The following DLG2 variants were observed in gnomAD, a reference collection of about 807,000 sequenced individuals.
DLG2 encodes the protein disks large homolog 2.
Under a neutral mutation model 132.5 loss-of-function variants are expected in DLG2, and 45 were observed. The ratio of observed to expected loss-of-function variants is 0.34; its 90% CI spans 0.27 to 0.44. DLG2 has a LOEUF of 0.44. Ranked by LOEUF, DLG2 falls within the 20% of genes least tolerant of loss-of-function variation. The probability of loss-of-function intolerance (pLI) is 1.00; values close to 1 mark genes in which losing one functional copy is unlikely to be tolerated. For synonymous variants in DLG2, 424 were observed against 419.6 expected (o/e 1.01, Z -0.13); for missense variants, 1,045 against 1,196.9 (o/e 0.87, Z 1.87).
intron 12 of DLG2, among the ~76,000 whole-genome samples, chr11:83,971,515 T>C (rs575576752): frequency 6.6e-6 from 1 of 151,452 alleles, no homozygotes; most frequent in East Asian, 1.9e-4. Context: ...TGTGGGGGCA[T>C]GAGAATATAA....
At chr11:84,525,839 T>C (rs1185108214) in intron 7 of DLG2, among the ~76,000 whole-genome samples, 2 of 152,202 alleles carry the variant, frequency 1.3e-5, no homozygotes, top group Admixed American at 1.3e-4. Flanking sequence ...GTCAGTATCC[T>C]AGCCAACTAC....
intron 11 of DLG2, among the ~76,000 whole-genome samples, chr11:84,022,624 C>G (rs940410758): frequency 1.3e-5 from 2 of 152,130 alleles, no homozygotes; most frequent in African/African-American, 4.8e-5. Flanking sequence ...TTTGCATTAT[C>G]TGACTTTTGA....
chr11:84,250,245 G>A (rs558949094), intron 8 of DLG2, among the ~76,000 whole-genome samples: 2 of 152,078 alleles, frequency 1.3e-5, no homozygotes, highest in South Asian at 2.1e-4. Flanking sequence ...CTCTTTAAAT[G>A]GCCATGTGCT....
chr11:84,775,934 C>A (rs774326748), intron 6 of DLG2, among the ~76,000 whole-genome samples: 10 of 152,044 alleles, frequency 6.6e-5, no homozygotes, highest in Non-Finnish European at 1.2e-4. Context: ...AGGAGTGAGT[C>A]CATTTAAAAC....
At chr11:85,534,313 G>A (rs1431353954) in intron 3 of DLG2, among the ~76,000 whole-genome samples, 1 of 151,970 alleles carries the variant, frequency 6.6e-6, no homozygotes, top group Non-Finnish European at 1.5e-5. Flanking sequence ...CTAAAAAAAG[G>A]TCTTTTTTAT....
intron 6 of DLG2, among the ~76,000 whole-genome samples, chr11:84,694,973 C>T (rs115852659): frequency 0.016 from 2,374 of 151,540 alleles, 27 homozygotes; most frequent in Non-Finnish European, 0.024. Flanking sequence ...CTAAATTGTT[C>T]GCCTCATTGC....
chr11:83,530,074 A>C (rs2095700200), intron 21 of DLG2, among the ~76,000 whole-genome samples: 1 of 146,604 alleles, frequency 6.8e-6, no homozygotes, highest in Non-Finnish European at 1.5e-5. Context: ...ACATATATCC[A>C]ACTCTATCTG....
chr11:85,091,532 A>G (rs2068776729), intron 6 of DLG2, among the ~76,000 whole-genome samples: 1 of 152,236 alleles, frequency 6.6e-6, no homozygotes, highest in African/African-American at 2.4e-5. Flanking sequence ...GCTGTTTGAT[A>G]GCATTCTACC....
At chr11:84,496,635 T>A (rs949101179) in intron 7 of DLG2, among the ~76,000 whole-genome samples, 1 of 152,152 alleles carries the variant, frequency 6.6e-6, no homozygotes, top group Non-Finnish European at 1.5e-5. Flanking sequence ...AAAGACTTTT[T>A]ATTGAAAAAT....
At chr11:84,715,916 G>C (rs1345721647) in intron 6 of DLG2, among the ~76,000 whole-genome samples, 4 of 151,922 alleles carry the variant, frequency 2.6e-5, no homozygotes, top group Non-Finnish European at 5.9e-5. Flanking sequence ...CGTTTCCTTT[G>C]GTTATATATC....
At chr11:84,643,619 G>C (rs1200689561) in intron 6 of DLG2, among the ~76,000 whole-genome samples, 5 of 152,172 alleles carry the variant, frequency 3.3e-5, no homozygotes, top group South Asian at 2.1e-4. Flanking sequence ...TTACAAAGCA[G>C]AGATTTCACC....
At chr11:84,202,961 C>T (rs1324513889) in intron 8 of DLG2, among the ~76,000 whole-genome samples, 1 of 152,112 alleles carries the variant, frequency 6.6e-6, no homozygotes, top group African/African-American at 2.4e-5. Context: ...AGTCAAACAA[C>T]AACAGTTTCT....
At chr11:83,751,426 A>C (rs1024259318) in intron 18 of DLG2, among the ~76,000 whole-genome samples, 1 of 152,174 alleles carries the variant, frequency 6.6e-6, no homozygotes, top group African/African-American at 2.4e-5. Context: ...TTAGAGTAGA[A>C]GAATAAGATA....
chr11:83,908,321 C>T (rs894695224), intron 15 of DLG2, among the ~76,000 whole-genome samples: 2 of 151,160 alleles, frequency 1.3e-5, no homozygotes, highest in Admixed American at 6.6e-5. Context: ...TTTTTTTCAG[C>T]CTCGGATACC....
intron 6 of DLG2, among the ~76,000 whole-genome samples, chr11:84,683,752 A>G (rs1175470751): frequency 6.6e-6 from 1 of 152,160 alleles, no homozygotes; most frequent in Admixed American, 6.5e-5. Context: ...AGGTGGAAGG[A>G]TGGGTTTTGA....
chr11:85,519,442 T>C (rs1250977537), intron 3 of DLG2, among the ~76,000 whole-genome samples: 3 of 152,186 alleles, frequency 2.0e-5, no homozygotes, highest in Non-Finnish European at 2.9e-5. Context: ...GCATGGGGCC[T>C]GTAGCCTCTT....
At chr11:83,523,691 A>G (rs1484289338) in intron 21 of DLG2, among the ~76,000 whole-genome samples, 3 of 152,218 alleles carry the variant, frequency 2.0e-5, no homozygotes, top group Non-Finnish European at 4.4e-5. Flanking sequence ...GATGTTCAGA[A>G]TAACTGGTAT....
intron 3 of DLG2, among the ~76,000 whole-genome samples, chr11:85,299,372 C>G (rs1412030741): frequency 1.3e-5 from 2 of 152,054 alleles, no homozygotes; most frequent in Non-Finnish European, 2.9e-5. Flanking sequence ...CTTTGTTTTG[C>G]TCTGGGTTAA....
intron 3 of DLG2, among the ~76,000 whole-genome samples, chr11:85,441,545 TATTC>T (rs1041676998): frequency 3.0e-4 from 46 of 152,332 alleles, no homozygotes; most frequent in Admixed American, 7.8e-4. Context: ...AATGATCACT[TATTC>T]ATTCAGTCAA....
Sources: gnomAD v4.1 joint callset for allele counts (sites outside exome capture counted in the v4.1 genomes callset) on GRCh38, gnomAD v4.1.1 for gene constraint, MANE v1.5 for transcripts, NCBI Gene and HGNC (gene_info 2026-07-23, HGNC 2026-07-21) for gene names.